NACC1: variants seen among roughly 807,000 people sequenced by gnomAD.
NACC1 encodes the protein nucleus accumbens-associated protein 1.
NACC1 carries 6 observed loss-of-function variants against 41.7 expected under a neutral mutation model. That is an observed-to-expected ratio of 0.14 (90% CI 0.08 to 0.28). The LOEUF (loss-of-function observed/expected upper bound fraction) is 0.28. Among genes scored for constraint, NACC1 ranks in the 10% least tolerant of loss-of-function variants. The pLI, the probability that NACC1 is intolerant of heterozygous loss-of-function variation, is 1.00. For missense variants in NACC1, 434 were observed against 763.7 expected, an observed-to-expected ratio of 0.57 and a Z score of 5.09; for synonymous variants, 338 against 330.6, an observed-to-expected ratio of 1.02 and a Z score of -0.24.
At position 13,118,613 on chromosome 19, in the gene NACC1, G is replaced by T. The variant is rs1288332741; in HGVS notation, c.-9+159G>T. The stretch of plus-strand genomic sequence containing the variant: ...GCGAGTGTGTGGAGGCCCAGCTACC[G>T]CGGGCGGCCTTGAGCGTCCAGCCCG... On this transcript the variant is annotated intron_variant, in intron 1 of 5. Transcript: ENST00000292431. Among the ~76,000 whole-genome samples, 3 of 151,608 alleles carry T rather than the reference G, an allele frequency of 2.0e-5. No individual in the cohort carries two copies. In the East Asian group the frequency reaches 5.9e-4, roughly 30 times the overall value.
In NACC1 at chr19:13,119,710, G is replaced by A. The variant is rs140226008; in HGVS notation, c.-9+1256G>A. 2.4e-3 allele frequency among the ~76,000 whole-genome samples: 364 copies of A among 152,298 alleles called. 3 individuals carry two copies. Among genetic ancestry groups the A allele is most frequent in the South Asian group, 3.9e-3 (19 of 4,834 alleles). On this transcript the variant is annotated intron_variant, in intron 1 of 5. Coordinates refer to ENST00000292431, the MANE Select transcript of NACC1 (RefSeq NM_052876.4). ...TGTTGATGGTGGTTTGGAGGCTCCC[G>A]ACGGGGTGAAGGCAGGGCACAGAGA...
At position 13,138,590 on chromosome 19, in the gene NACC1, C is replaced by A; in HGVS notation, c.*184C>A. The A allele has an allele frequency of 2.2e-6, 2 of 889,730 alleles. No individual in the cohort carries two copies. Among genetic ancestry groups the A allele is most frequent in the Non-Finnish European group, 3.3e-6 (2 of 598,198 alleles). The allele number at this position is 889,730 out of a possible 1,614,324, so 55.1% of individuals were successfully genotyped here. ...CGAGAGCTGGGCCGGGAGAGGACCGCAGGGCAGGTGGCGTGAGGTCCGTGT... is the reference window on the plus strand; with the variant it reads ...CGAGAGCTGGGCCGGGAGAGGACCGAAGGGCAGGTGGCGTGAGGTCCGTGT... On this transcript the variant is annotated 3_prime_UTR_variant, in exon 6 of 6. Transcript: ENST00000292431. The surrounding 1 kb of genome is among the most constrained non-coding windows in gnomAD (Gnocchi z 5.7).
Position 13,136,389 on chromosome 19 carries a change from G to A in NACC1, c.1104G>A (p.Lys368=), listed in dbSNP as rs1217706313. 1.2e-6 allele frequency: 2 copies of A among 1,613,314 alleles called. No individual in the cohort carries two copies. Among genetic ancestry groups the A allele is most frequent in the Non-Finnish European group, 1.7e-6 (2 of 1,179,610 alleles). Residue 368 remains lysine, a synonymous_variant, in exon 3 of 6, where the codon AAG becomes AAA. Coordinates refer to ENST00000292431, the MANE Select transcript of NACC1 (RefSeq NM_052876.4). The surrounding 1 kb of genome is among the most constrained non-coding windows in gnomAD (Gnocchi z 5.5). ...KLYDEGDPSE[K]LELVTGTNVY... ...ACGACGAGGGCGACCCCTCTGAGAAGCTGGAGCTGGTGACAGGTGGGCCGG... is the reference window on the plus strand; with the variant it reads ...ACGACGAGGGCGACCCCTCTGAGAAACTGGAGCTGGTGACAGGTGGGCCGG...
At chr19:13,121,397 C>T (rs917098874) in intron 1 of NACC1, among the ~76,000 whole-genome samples, 11 of 152,168 alleles carry the variant, frequency 7.2e-5, no homozygotes, top group African/African-American at 2.7e-4. Flanking sequence ...GTCTCTGGGT[C>T]TCCTGGATCT....
At chr19:13,127,551 CATG>C (rs1047654168) in intron 1 of NACC1, among the ~76,000 whole-genome samples, 3 of 151,262 alleles carry the variant, frequency 2.0e-5, no homozygotes, top group Non-Finnish European at 2.9e-5. Flanking sequence ...ATTAGCCAGG[CATG>C]GTGGTGGTTA....
chr19:13,133,949 C>T (rs554770598), intron 1 of NACC1, among the ~76,000 whole-genome samples: 1 of 152,134 alleles, frequency 6.6e-6, no homozygotes, highest in South Asian at 2.1e-4. Context: ...TCCAGCCATC[C>T]TAGTGGGTGT....
chr19:13,119,339 C>G (rs2019459207), intron 1 of NACC1, among the ~76,000 whole-genome samples: 1 of 152,108 alleles, frequency 6.6e-6, no homozygotes, highest in Non-Finnish European at 1.5e-5. Flanking sequence ...CCTCTGCCAA[C>G]TGTTCAAAGG....
chr19:13,137,164 A>C lies in NACC1; in HGVS notation c.1121-107A>C. The C allele has an allele frequency of 1.8e-6, 2 of 1,095,916 alleles. No individual in the cohort carries two copies. The highest frequency in any genetic ancestry group is 2.7e-6 in the Non-Finnish European group (2 of 733,688). The allele number at this position is 1,095,916 out of a possible 1,614,324, so 67.9% of individuals were successfully genotyped here. Reference sequence around the variant, plus strand: ...CCCTGGGTGAGTTTTCTTGGGACCCAGAGCCCAGCAGGGAGGGCCTGGGGT... The same window carrying C: ...CCCTGGGTGAGTTTTCTTGGGACCCCGAGCCCAGCAGGGAGGGCCTGGGGT... On this transcript the variant is annotated intron_variant, in intron 3 of 5. Coordinates refer to ENST00000292431, the MANE Select transcript of NACC1 (RefSeq NM_052876.4). The surrounding 1 kb of genome is among the most constrained non-coding windows in gnomAD (Gnocchi z 6.1).
In NACC1 at chr19:13,139,258, G is replaced by A. The variant is rs2019752025; in HGVS notation, c.*852G>A. 6.6e-6 allele frequency: 1 copy of A among 152,072 alleles called. No homozygotes were observed. The highest frequency in any genetic ancestry group is 6.6e-5 in the Admixed American group (1 of 15,250). The allele number at this position is 152,072 out of a possible 1,614,324, so 9.4% of individuals were successfully genotyped here. A position where few individuals can be genotyped will look rare whatever the true frequency, so the allele number is the denominator to read the frequency against. On this transcript the variant is annotated 3_prime_UTR_variant, in exon 6 of 6. Coordinates refer to ENST00000292431, the MANE Select transcript of NACC1 (RefSeq NM_052876.4). ...TGGAACCCAGGGGAGCAGACTGGGG[G>A]GCTGTTGCCCCTCCCTCCATCTCCC...
chr19:13,124,293 A>G (rs973498469), intron 1 of NACC1, among the ~76,000 whole-genome samples: 11 of 152,062 alleles, frequency 7.2e-5, no homozygotes, highest in Non-Finnish European at 1.6e-4. Context: ...CTAGCTACTC[A>G]GGAGGCGGAG....
chr19:13,121,670 A>G (rs546616684), intron 1 of NACC1, among the ~76,000 whole-genome samples: 43 of 152,144 alleles, frequency 2.8e-4, no homozygotes, highest in Non-Finnish European at 5.7e-4. Context: ...GTGTGGAGAG[A>G]GGGATCCCAT....
chr19:13,137,639 G>C lies in NACC1; in HGVS notation c.1324+64G>C. 1 of 1,392,990 alleles carries C rather than the reference G, an allele frequency of 7.2e-7. No homozygotes were observed. Among genetic ancestry groups the C allele is most frequent in the Non-Finnish European group, 9.9e-7 (1 of 1,014,096 alleles). 86.3% of individuals were successfully genotyped at this position (1,392,990 alleles called of 1,614,324 possible). On this transcript the variant is annotated intron_variant, in intron 5 of 5. Coordinates refer to ENST00000292431, the MANE Select transcript of NACC1 (RefSeq NM_052876.4). The surrounding 1 kb of genome is among the most constrained non-coding windows in gnomAD (Gnocchi z 6.1). The stretch of plus-strand genomic sequence containing the variant: ...GCACGCAGGTTGACGTTTTTTCCCA[G>C]CCTTGGCTCTCAGAGAGGGCTAGAG...
intron 1 of NACC1, among the ~76,000 whole-genome samples, chr19:13,121,888 G>A (rs1599981794): frequency 6.6e-6 from 1 of 152,208 alleles, no homozygotes; most frequent in East Asian, 1.9e-4. Context: ...GACACACAAG[G>A]CAACTGAGGC....
intron 1 of NACC1, among the ~76,000 whole-genome samples, chr19:13,129,144 C>G (rs1232383095): frequency 6.6e-6 from 1 of 152,134 alleles, no homozygotes; most frequent in Non-Finnish European, 1.5e-5. Flanking sequence ...GTATTCCAGG[C>G]AGGGTGCACA....
intron 1 of NACC1, among the ~76,000 whole-genome samples, chr19:13,125,301 G>A (rs2019547969): frequency 6.6e-6 from 1 of 152,094 alleles, no homozygotes; most frequent in South Asian, 2.1e-4. Context: ...GCACCTTTTA[G>A]GTATCTGCAC....
intron 1 of NACC1, among the ~76,000 whole-genome samples, chr19:13,120,850 C>G (rs1236285884): frequency 6.6e-6 from 1 of 152,210 alleles, no homozygotes; most frequent in African/African-American, 2.4e-5. Context: ...GAGAAGGCAC[C>G]AGTAATAACT....
intron 1 of NACC1, among the ~76,000 whole-genome samples, chr19:13,121,850 T>C (rs1426602443): frequency 6.6e-6 from 1 of 152,220 alleles, no homozygotes; most frequent in African/African-American, 2.4e-5. Context: ...AGCCCGTGGC[T>C]AGCAGGTCCT....
Position 13,135,923 on chromosome 19 carries a change from C to T in NACC1, c.716C>T (p.Ala239Val), listed in dbSNP as rs1007050890. 1.9e-6 allele frequency: 3 copies of T among 1,577,784 alleles called. No individual in the cohort carries two copies. Among genetic ancestry groups the T allele is most frequent in the Non-Finnish European group, 2.6e-6 (3 of 1,163,808 alleles). ...AAAQPAVAAG[A>V]GQPAGGVAAA... The stretch of plus-strand genomic sequence containing the variant: ...GCCCAGCCCGCCGTGGCTGCGGGAG[C>T]AGGGCAGCCAGCCGGTGGGGTGGCA... Residue 239 changes from alanine (A) to valine (V), a missense_variant, in exon 2 of 6, where the codon GCA (alanine) becomes GTA (valine). By Grantham distance (64) the Ala-to-Val change is moderately conservative. Coordinates refer to ENST00000292431, the MANE Select transcript of NACC1 (RefSeq NM_052876.4).
At chr19:13,123,241 C>G (rs2019521241) in intron 1 of NACC1, among the ~76,000 whole-genome samples, 1 of 152,160 alleles carries the variant, frequency 6.6e-6, no homozygotes, top group East Asian at 1.9e-4. Context: ...CCACTGCTGC[C>G]CTGTCTTTTG....
Sources: allele counts gnomAD v4.1 joint callset (sites outside exome capture counted in the v4.1 genomes callset), GRCh38; gene constraint gnomAD v4.1.1; non-coding constraint Gnocchi (gnomAD v3.1); transcripts MANE v1.5; gene names NCBI Gene and HGNC (gene_info 2026-07-23, HGNC 2026-07-21).